The following SPECC1 variants were observed in gnomAD, a reference collection of about 807,000 sequenced individuals.
SPECC1 encodes sperm antigen with calponin homology and coiled-coil domains 1.
Under a neutral mutation model 104.1 loss-of-function variants are expected in SPECC1, and 62 were observed. The ratio of observed to expected loss-of-function variants is 0.60; its 90% confidence interval spans 0.49 to 0.74. SPECC1 has a LOEUF of 0.74. SPECC1 is among the 30% of genes least tolerant of loss of function. SPECC1 has a pLI of 0.00. For missense variants in SPECC1, 1,306 were observed against 1,310.5 expected (o/e 1.00, Z 0.05); for synonymous variants, 513 against 501.6 (o/e 1.02, Z -0.30).
At chr17:20,063,198 G>A (rs2046250630) in intron 1 of SPECC1, among the ~76,000 whole-genome samples, 1 of 152,158 alleles carries the variant, frequency 6.6e-6, no homozygotes, top group African/African-American at 2.4e-5. Context: ...GTTGCTATTA[G>A]ATGGGTTAAG....
At chr17:20,294,380 T>C (rs1186765060) in intron 12 of SPECC1, among the ~76,000 whole-genome samples, 3 of 152,214 alleles carry the variant, frequency 2.0e-5, no homozygotes, top group Non-Finnish European at 4.4e-5. Flanking sequence ...TGCAGCCTCA[T>C]GCTCCCTGCT....
At chr17:20,153,306 A>C (rs2032180707) in intron 3 of SPECC1, among the ~76,000 whole-genome samples, 1 of 152,158 alleles carries the variant, frequency 6.6e-6, no homozygotes, top group Non-Finnish European at 1.5e-5. Context: ...CTGAGGCTAG[A>C]ACAATAGGGG....
At chr17:20,116,896 C>T (rs2048789150) in intron 3 of SPECC1, among the ~76,000 whole-genome samples, 1 of 140,016 alleles carries the variant, frequency 7.1e-6, no homozygotes, top group African/African-American at 2.6e-5. Flanking sequence ...TACTAAACAT[C>T]CTAGGATGCG....
chr17:20,040,550 C>A (rs7219153), intron 1 of SPECC1, among the ~76,000 whole-genome samples: 10,509 of 152,166 alleles, frequency 0.069, 983 homozygotes, highest in African/African-American at 0.21. Context: ...TTATCTGAGA[C>A]TGTCTTGATT....
chr17:20,218,747 TA>T (rs1291842283), intron 4 of SPECC1, among the ~76,000 whole-genome samples: 2 of 152,216 alleles, frequency 1.3e-5, no homozygotes, highest in Non-Finnish European at 2.9e-5. Flanking sequence ...TGCTGTCAAA[TA>T]ATAGGTTTTA....
intron 3 of SPECC1, among the ~76,000 whole-genome samples, chr17:20,155,123 C>T (rs2032348015): frequency 6.6e-6 from 1 of 152,150 alleles, no homozygotes; most frequent in Admixed American, 6.5e-5. Flanking sequence ...GGAAAGAGGT[C>T]TGTTGGCTGA....
intron 10 of SPECC1, 126 bp downstream of exon 10, chr17:20,253,712 C>A: frequency 2.3e-6 from 2 of 861,754 alleles, no homozygotes; most frequent in Non-Finnish European, 3.6e-6. Context: ...GATTTCAACC[C>A]CGAATAATGT....
At chr17:20,145,981 C>T (rs2031413633) in intron 3 of SPECC1, among the ~76,000 whole-genome samples, 1 of 151,938 alleles carries the variant, frequency 6.6e-6, no homozygotes, top group Non-Finnish European at 1.5e-5. Context: ...CCATATATAC[C>T]CCCTCACCAT....
intron 1 of SPECC1, among the ~76,000 whole-genome samples, chr17:20,037,706 T>G (rs1254622171): frequency 6.6e-6 from 1 of 152,166 alleles, no homozygotes; most frequent in African/African-American, 2.4e-5. Flanking sequence ...TGAAACCATC[T>G]GGGCCCAGAT....
chr17:20,038,317 C>T (rs2045174444), intron 1 of SPECC1, among the ~76,000 whole-genome samples: 1 of 149,682 alleles, frequency 6.7e-6, no homozygotes, highest in African/African-American at 2.5e-5. Context: ...TGATTTGAAA[C>T]TTTTTCTCTT....
intron 7 of SPECC1, chr17:20,236,846 T>A: frequency 6.2e-7 from 1 of 1,613,862 alleles, no homozygotes. Context: ...TCCCTCCCGT[T>A]TCTATTTTCA....
chr17:20,230,522 T>G (rs2038507258), intron 5 of SPECC1, among the ~76,000 whole-genome samples: 1 of 152,200 alleles, frequency 6.6e-6, no homozygotes, highest in Non-Finnish European at 1.5e-5. Context: ...TTTGTTTTTG[T>G]TTTTGTGATA....
chr17:20,167,846 T>C lies in SPECC1; in HGVS notation c.284-36487T>C, dbSNP rs1159420009. Among the ~76,000 whole-genome samples the C allele has an allele frequency of 2.6e-5, 4 of 152,218 alleles. No individual in the cohort carries two copies. In the East Asian group the frequency reaches 7.7e-4, roughly 29 times the overall value. ...ATTACAGAGGATATAATAAGATATGTACAGATGATTATTTCTTAATTTAAT... is the reference window on the plus strand; with the variant it reads ...ATTACAGAGGATATAATAAGATATGCACAGATGATTATTTCTTAATTTAAT... On this transcript the variant is annotated intron_variant, in intron 3 of 14. Transcript: ENST00000395527.
intron 13 of SPECC1, among the ~76,000 whole-genome samples, chr17:20,304,610 TAGAAAGG>T (rs1482076120): frequency 1.3e-5 from 2 of 152,084 alleles, no homozygotes; most frequent in African/African-American, 4.8e-5. Context: ...AACGTGATGG[TAGAAAGG>T]AGAAATTTTC....
At chr17:20,145,045 T>C (rs1162916687) in intron 3 of SPECC1, among the ~76,000 whole-genome samples, 1 of 152,244 alleles carries the variant, frequency 6.6e-6, no homozygotes, top group Non-Finnish European at 1.5e-5. Flanking sequence ...AGATATTACA[T>C]ATTTTATAGT....
intron 3 of SPECC1, among the ~76,000 whole-genome samples, chr17:20,123,597 A>C (rs1238789209): frequency 1.3e-5 from 2 of 152,242 alleles, no homozygotes; most frequent in African/African-American, 4.8e-5. Context: ...AAGTATTCTT[A>C]TCCCCATCTG....
Position 20,310,252 on chromosome 17 carries a change from C to T in SPECC1, c.3118-3724C>T, listed in dbSNP as rs543805849. ...ATTTCTTTTCTTCTGGATATATACCCAGTAATGATATTGCTGAGTCAAATG... is the reference window on the plus strand; with the variant it reads ...ATTTCTTTTCTTCTGGATATATACCTAGTAATGATATTGCTGAGTCAAATG... On this transcript the variant is annotated intron_variant, in intron 14 of 14. Transcript: ENST00000395527. Among the ~76,000 whole-genome samples, 15 of 152,302 alleles carry T rather than the reference C, an allele frequency of 9.8e-5. No individual in the cohort carries two copies. In the East Asian group the frequency reaches 1.2e-3, roughly 12 times the overall value.
intron 3 of SPECC1, among the ~76,000 whole-genome samples, chr17:20,140,571 A>G (rs905483426): frequency 6.6e-6 from 1 of 152,230 alleles, no homozygotes; most frequent in Non-Finnish European, 1.5e-5. Flanking sequence ...TACAACTAGC[A>G]TAAATAGGTT....
chr17:20,096,831 C>G, intron 2 of SPECC1, 33 bp downstream of exon 2: 1 of 1,588,500 alleles, frequency 6.3e-7, no homozygotes, highest in Non-Finnish European at 8.6e-7. Flanking sequence ...CCAGGCAGAG[C>G]GCCTGGATAC....
Sources: allele counts gnomAD v4.1 joint callset (sites outside exome capture counted in the v4.1 genomes callset), GRCh38; gene constraint gnomAD v4.1.1; transcripts MANE v1.5; gene names NCBI Gene and HGNC (gene_info 2026-07-23, HGNC 2026-07-21).